The following GPC5 variants were observed in gnomAD, a reference collection of about 807,000 sequenced individuals.
GPC5 encodes glypican 5.
GPC5 carries 47 observed loss-of-function variants against 53.9 expected under a neutral mutation model. The observed-to-expected ratio is 0.87, with a 90% CI of 0.69 to 1.11. The LOEUF is 1.11. Among genes scored for constraint, GPC5 ranks in the 50% most tolerant of loss-of-function variants. The pLI is 0.00. For missense variants in GPC5, 748 were observed against 713.1 expected (o/e 1.05, Z -0.56); for synonymous variants, 286 against 263.3 (o/e 1.09, Z -0.84).
intron 7 of GPC5, among the ~76,000 whole-genome samples, chr13:92,209,633 G>C (rs2139072579): frequency 6.6e-6 from 1 of 152,090 alleles, no homozygotes; most frequent in Non-Finnish European, 1.5e-5. Flanking sequence ...TTGTGACACA[G>C]TAGATATAAA....
intron 7 of GPC5, among the ~76,000 whole-genome samples, chr13:92,318,118 T>C (rs2043192245): frequency 6.6e-6 from 1 of 152,238 alleles, no homozygotes; most frequent in Non-Finnish European, 1.5e-5. Flanking sequence ...GTTGAAGTTT[T>C]ATGTTCAAGA....
intron 6 of GPC5, among the ~76,000 whole-genome samples, chr13:92,118,964 A>G (rs1012912899): frequency 1.3e-5 from 2 of 152,254 alleles, no homozygotes; most frequent in African/African-American, 4.8e-5. Context: ...AATTTAAAGC[A>G]GGTTGAAAAG....
At chr13:92,257,585 C>G (rs1387853419) in intron 7 of GPC5, among the ~76,000 whole-genome samples, 1 of 60,408 alleles carries the variant, frequency 1.7e-5, no homozygotes, top group African/African-American at 1.1e-4. Context: ...GAGTCTCACT[C>G]TGCCTCCCAG....
intron 6 of GPC5, among the ~76,000 whole-genome samples, chr13:91,967,739 A>T (rs1594694031): frequency 6.6e-6 from 1 of 152,210 alleles, no homozygotes; most frequent in East Asian, 1.9e-4. Context: ...CATATACAAA[A>T]TCATCAGTGG....
intron 2 of GPC5, among the ~76,000 whole-genome samples, chr13:91,478,881 T>TTATATATATA (rs71113743): frequency 0.029 from 1,947 of 66,702 alleles, 79 homozygotes; most frequent in African/African-American, 0.052. Flanking sequence ...TATATACACA[T>TTATATATATA]TATATATATA....
intron 2 of GPC5, among the ~76,000 whole-genome samples, chr13:91,645,983 G>A (rs2139519875): frequency 6.6e-6 from 1 of 152,282 alleles, no homozygotes; most frequent in African/African-American, 2.4e-5. Flanking sequence ...TTGGTAGCAG[G>A]TAACACACAG....
Position 92,527,170 on chromosome 13 carries a change from A to G in GPC5, c.1562-339112A>G, listed in dbSNP as rs74638922. Among the ~76,000 whole-genome samples the G allele has an allele frequency of 2.6e-3, 265 of 101,722 alleles. 11 individuals are homozygous for G. Among genetic ancestry groups the G allele is most frequent in the African/African-American group, 1.0e-2 (258 of 25,802 alleles). The allele number at this position is 101,722 out of a possible 152,430, so 66.7% of individuals were successfully genotyped here. ...AAAGAAAGAAAGAAAGAAAGAAAGA[A>G]AGAGAAAGAAAGAAGAAAGAAAGAA... is the stretch of plus-strand genomic sequence containing the variant. On this transcript the variant is annotated intron_variant, in intron 7 of 7. Coordinates refer to ENST00000377067, the MANE Select transcript of GPC5 (RefSeq NM_004466.6).
intron 7 of GPC5, among the ~76,000 whole-genome samples, chr13:92,242,105 C>A (rs1023525593): frequency 2.6e-5 from 4 of 151,914 alleles, no homozygotes; most frequent in Non-Finnish European, 4.4e-5. Context: ...TGGTGGCAGG[C>A]ACCTGTAATC....
rs145282264 is a variant in GPC5, at chr13:91,785,023, G to A, written c.1280+28603G>A. ...AGCATTTGACACTTTATTTTTCCCCGTTGTTTGGTACAGTTCTTCTCGTGG... is the reference window on the plus strand; with the variant it reads ...AGCATTTGACACTTTATTTTTCCCCATTGTTTGGTACAGTTCTTCTCGTGG... On this transcript the variant is annotated intron_variant, in intron 5 of 7. Transcript: ENST00000377067. Among the ~76,000 whole-genome samples, 770 of 152,158 alleles carry A rather than the reference G, an allele frequency of 5.1e-3. 1 individual carries two copies. The highest frequency in any genetic ancestry group is 8.6e-3 in the Non-Finnish European group (582 of 67,984).
chr13:92,344,438 C>CTGCAGAATTAGATAGA (rs1004016845), intron 7 of GPC5, among the ~76,000 whole-genome samples: 8 of 152,156 alleles, frequency 5.3e-5, no homozygotes, highest in African/African-American at 1.9e-4. Flanking sequence ...TCATCTATCA[C>CTGCAGAATTAGATAGA]TGCAGAATTA....
At chr13:92,452,477 G>A (rs1013243887) in intron 7 of GPC5, among the ~76,000 whole-genome samples, 1 of 151,952 alleles carries the variant, frequency 6.6e-6, no homozygotes, top group Non-Finnish European at 1.5e-5. Context: ...GCTATCCTTC[G>A]AGACCATCAT....
intron 7 of GPC5, among the ~76,000 whole-genome samples, chr13:92,582,736 AT>A (rs1883410635): frequency 6.6e-6 from 1 of 151,922 alleles, no homozygotes; most frequent in Admixed American, 6.6e-5. Flanking sequence ...ATTTATTCTT[AT>A]GTAATTTTTT....
intron 7 of GPC5, among the ~76,000 whole-genome samples, chr13:92,856,518 C>A (rs1285077839): frequency 6.6e-6 from 1 of 151,850 alleles, no homozygotes; most frequent in South Asian, 2.1e-4. Flanking sequence ...TAAAAGGTAT[C>A]CAAATAGGAA....
At chr13:92,794,418 G>A (rs2138779010) in intron 7 of GPC5, among the ~76,000 whole-genome samples, 1 of 152,244 alleles carries the variant, frequency 6.6e-6, no homozygotes, top group East Asian at 1.9e-4. Context: ...CAAACCCACA[G>A]CCAGTATCAT....
chr13:92,427,987 A>C (rs1474639117), intron 7 of GPC5, among the ~76,000 whole-genome samples: 1 of 152,184 alleles, frequency 6.6e-6, no homozygotes, highest in Admixed American at 6.5e-5. Flanking sequence ...AGTAGTTTTC[A>C]GACAGCCTGT....
In GPC5 at chr13:91,570,926, G is replaced by A. The variant is rs558939001; in HGVS notation, c.325+122004G>A. ...AGAAAAGTACATAACTCTTTAATTAGTTTCTTTTATGCATAAAGTCAATAA... is the reference window on the plus strand; with the variant it reads ...AGAAAAGTACATAACTCTTTAATTAATTTCTTTTATGCATAAAGTCAATAA... On this transcript the variant is annotated intron_variant, in intron 2 of 7. Coordinates refer to ENST00000377067, the MANE Select transcript of GPC5 (RefSeq NM_004466.6). Among the ~76,000 whole-genome samples, 4 of 152,234 alleles carry A rather than the reference G, an allele frequency of 2.6e-5. No individual in the cohort carries two copies. The East Asian group carries it at 7.7e-4, about 29-fold the overall frequency.
chr13:91,543,318 T>C (rs1342453970), intron 2 of GPC5, among the ~76,000 whole-genome samples: 1 of 152,172 alleles, frequency 6.6e-6, no homozygotes, highest in African/African-American at 2.4e-5. Context: ...TTTACCCTTG[T>C]CTCTGTTATT....
intron 7 of GPC5, among the ~76,000 whole-genome samples, chr13:92,177,015 C>T (rs9583999): frequency 0.093 from 14,168 of 152,144 alleles, 1,662 homozygotes; most frequent in African/African-American, 0.27. Context: ...ATTGTTTTGA[C>T]TGATCTATCT....
intron 7 of GPC5, among the ~76,000 whole-genome samples, chr13:92,706,463 A>G (rs1031290221): frequency 3.3e-5 from 5 of 152,086 alleles, no homozygotes; most frequent in African/African-American, 9.7e-5. Context: ...ATAAGATAGC[A>G]CTAGTGTTGG....
Sources: allele counts gnomAD v4.1 joint callset (sites outside exome capture counted in the v4.1 genomes callset), GRCh38; gene constraint gnomAD v4.1.1; transcripts MANE v1.5; gene names NCBI Gene and HGNC (gene_info 2026-07-23, HGNC 2026-07-21).